The following LRP2 variants were observed in gnomAD, a reference collection of about 807,000 sequenced individuals.
The protein encoded by LRP2 is LDL receptor related protein 2.
In LRP2, 172 loss-of-function variants were observed where a neutral mutation model predicts 531.0. That is an observed-to-expected ratio of 0.32 (90% CI 0.29 to 0.37). LRP2 has a LOEUF of 0.37. LRP2 is among the 10% of genes least tolerant of loss of function. The probability of loss-of-function intolerance (pLI) is 1.00; values close to 1 mark genes in which losing one functional copy is unlikely to be tolerated. For missense variants in LRP2, 5,167 were observed against 5,868.3 expected, an observed-to-expected ratio of 0.88 and a Z score of 3.90; for synonymous variants, 1,992 against 2,027.6, an observed-to-expected ratio of 0.98 and a Z score of 0.47.
rs764577743 is a variant in LRP2 at position 169,238,258 on chromosome 2, T to C, written c.4339A>G (p.Ile1447Val). 1 of 1,614,050 alleles carries C rather than the reference T, an allele frequency of 6.2e-7. No individual in the cohort carries two copies. The highest frequency in any genetic ancestry group is 8.5e-7 in the Non-Finnish European group (1 of 1,180,020). The change falls in exon 27 of 79, where the codon ATT (isoleucine) becomes GTT (valine). Residue 1447 changes from isoleucine to valine, a missense_variant. Physicochemically the swap from Ile to Val is conservative, Grantham distance 29. This residue lies in a region of LRP2 where 2,811 missense variants were observed against 3,058.0 expected (regional missense o/e 0.92). Transcript: ENST00000649046. The part of the protein sequence containing the change: ...LLLVASQNKI[I>V]ADSVTSQVHN... ...ACCTGGGAGGTGACACTGTCGGCAA[T>C]AATTTTGTTCTGACTTGCCACAAGT...
At chr2:169,222,044 C>T (rs1427451393) in intron 33 of LRP2, among the ~76,000 whole-genome samples, 1 of 152,112 alleles carries the variant, frequency 6.6e-6, no homozygotes, top group Non-Finnish European at 1.5e-5. Context: ...GAGTTAAACA[C>T]GAACTACTCT....
chr2:169,190,145 G>A (rs957637977), intron 48 of LRP2, among the ~76,000 whole-genome samples: 2 of 152,128 alleles, frequency 1.3e-5, no homozygotes, highest in African/African-American at 4.8e-5. Context: ...CTATAGAAGT[G>A]CAACACAATA....
rs1413893889 is a variant in LRP2, at chr2:169,238,383, C to T, written c.4295-81G>A. 5 of 1,006,840 alleles carry T rather than the reference C, an allele frequency of 5.0e-6. No individual in the cohort carries two copies. In the Admixed American group the frequency reaches 5.9e-5, roughly 12 times the overall value. 62.4% of individuals were successfully genotyped at this position (1,006,840 alleles called of 1,614,324 possible). A position where few individuals can be genotyped will look rare whatever the true frequency, so the allele number is the denominator to read the frequency against. On this transcript the variant is annotated intron_variant, in intron 26 of 78. Coordinates refer to ENST00000649046, the MANE Select transcript of LRP2 (RefSeq NM_004525.3). The stretch of plus-strand genomic sequence containing the variant: ...ACTCTTTAAAACTTTTGATTCAATA[C>T]TTTTGGTAACAGAAAGAAGGTGTAA...
intron 15 of LRP2, among the ~76,000 whole-genome samples, chr2:169,272,068 A>C (rs1172934209): frequency 6.6e-6 from 1 of 152,156 alleles, no homozygotes; most frequent in Non-Finnish European, 1.5e-5. Context: ...GATTTTTCTG[A>C]ATCTAAAACT....
intron 16 of LRP2, among the ~76,000 whole-genome samples, chr2:169,264,596 C>A (rs1690717967): frequency 6.6e-6 from 1 of 152,036 alleles, no homozygotes; most frequent in Admixed American, 6.6e-5. Flanking sequence ...ATGAGTAATT[C>A]CAACAAATGT....
intron 31 of LRP2, 91 bp downstream of exon 31, chr2:169,231,623 G>A (rs1202181614): frequency 6.7e-7 from 1 of 1,497,776 alleles, no homozygotes; most frequent in Non-Finnish European, 9.3e-7. Context: ...CACAGCACAT[G>A]TTCAGTCGCA....
In LRP2 at chr2:169,233,432, G is replaced by A. The variant is rs1230645968; in HGVS notation, c.5077C>T (p.His1693Tyr). The change falls in exon 30 of 79, where the codon CAT (histidine) becomes TAT (tyrosine). Residue 1693 changes from histidine (H) to tyrosine (Y), a missense_variant. Physicochemically the swap from His to Tyr is moderately conservative, Grantham distance 83. This residue lies in a region of LRP2 where 2,811 missense variants were observed against 3,058.0 expected (regional missense o/e 0.92). Coordinates refer to ENST00000649046, the MANE Select transcript of LRP2 (RefSeq NM_004525.3). Reference protein sequence around the residue: ...IQWPLGIVAVHPSKQPNSVNP... With the variant: ...IQWPLGIVAVYPSKQPNSVNP... ...TCACAATTTGGTTGTTTCGAAGGAT[G>A]AACCGCAACAATCCCAAGGGGCCAT... 1 of 1,614,192 alleles carries A rather than the reference G, an allele frequency of 6.2e-7. No homozygotes were observed.
At chr2:169,262,844 T>C (rs1055763922) in intron 16 of LRP2, among the ~76,000 whole-genome samples, 8 of 152,130 alleles carry the variant, frequency 5.3e-5, no homozygotes, top group Non-Finnish European at 7.4e-5. Flanking sequence ...GACTTCAAAC[T>C]ATCCTACAAG....
chr2:169,131,675 G>A (rs1456722007), intron 77 of LRP2, among the ~76,000 whole-genome samples: 1 of 152,122 alleles, frequency 6.6e-6, no homozygotes, highest in Admixed American at 6.6e-5. Context: ...AGACACTACT[G>A]GAATTTAGTG....
At chr2:169,194,806 C>T (rs1268067912) in intron 46 of LRP2, among the ~76,000 whole-genome samples, 1 of 150,234 alleles carries the variant, frequency 6.7e-6, no homozygotes, top group African/African-American at 2.5e-5. Flanking sequence ...CTGCAACCTC[C>T]GCCTCCCAGG....
intron 42 of LRP2, among the ~76,000 whole-genome samples, 174 bp from the exon 43 acceptor site, chr2:169,203,133 G>C (rs951119170): frequency 6.6e-6 from 1 of 152,022 alleles, no homozygotes; most frequent in Non-Finnish European, 1.5e-5. Context: ...CCATCAAGAA[G>C]AGCAATCACC....
chr2:169,168,571 C>T lies in LRP2; in HGVS notation c.11603G>A (p.Gly3868Asp), dbSNP rs1686875028. 6.2e-7 allele frequency: 1 copy of T among 1,613,998 alleles called. No individual in the cohort carries two copies. Among genetic ancestry groups the T allele is most frequent in the South Asian group, 1.1e-5 (1 of 91,082 alleles). The change falls in exon 61 of 79, where the codon GGC (glycine) becomes GAC (aspartate). Residue 3868 changes from glycine (G) to aspartate (D), a missense_variant. Gly to Asp is a moderately conservative substitution (Grantham distance 94). Around this residue, in one of 6 missense-constraint regions of LRP2, gnomAD observed 564 missense variants for 747.7 expected, o/e 0.75. Coordinates refer to ENST00000649046, the MANE Select transcript of LRP2 (RefSeq NM_004525.3). ...GTGAAGTTCTTCATCTGAACCATCGCCACAGTCATCATCGCCATCACATTT... is the reference window on the plus strand; with the variant it reads ...GTGAAGTTCTTCATCTGAACCATCGTCACAGTCATCATCGCCATCACATTT... ...YWKCDGDDDC[G>D]DGSDEELHLC...
chr2:169,232,105 C>A (rs1005781743), intron 30 of LRP2, among the ~76,000 whole-genome samples: 1 of 151,942 alleles, frequency 6.6e-6, no homozygotes, highest in Non-Finnish European at 1.5e-5. Flanking sequence ...CAGTCTATAA[C>A]TGGATTACGA....
At position 169,357,289 on chromosome 2, in the gene LRP2, T is replaced by TTTTTATTTTA. The variant is rs148875655; in HGVS notation, c.79+5022_79+5031dup. Among the ~76,000 whole-genome samples, 1,014 of 116,988 alleles carry TTTTTATTTTA rather than the reference T, an allele frequency of 8.7e-3. 7 individuals are homozygous for TTTTTATTTTA. The highest frequency in any genetic ancestry group is 0.021 in the East Asian group (86 of 4,122). The allele number at this position is 116,988 out of a possible 152,430, so 76.7% of individuals were successfully genotyped here. The stretch of plus-strand genomic sequence containing the variant: ...TTCTTTTTTTTTTCTTTTTTATTTA[T>TTTTTATTTTA]TTTTATTTTATTTTATTTTATTTTA... On this transcript the variant is annotated intron_variant, in intron 1 of 78. Transcript: ENST00000649046.
At chr2:169,281,548 G>A (rs952173503) in intron 10 of LRP2, among the ~76,000 whole-genome samples, 4 of 151,842 alleles carry the variant, frequency 2.6e-5, no homozygotes, top group South Asian at 2.1e-4. Flanking sequence ...ATGAAACCCC[G>A]TCTCTACTAA....
intron 72 of LRP2, 45 bp from the exon 73 acceptor site, chr2:169,139,655 G>T: frequency 6.5e-7 from 1 of 1,541,724 alleles, no homozygotes; most frequent in Non-Finnish European, 9.0e-7. Context: ...ATGTTCTTAG[G>T]CTTCTACTGC....
At chr2:169,222,546 G>A (rs967980394) in intron 33 of LRP2, among the ~76,000 whole-genome samples, 2 of 151,976 alleles carry the variant, frequency 1.3e-5, no homozygotes, top group African/African-American at 4.8e-5. Context: ...CATCCATGGG[G>A]GACAAATTCC....
intron 62 of LRP2, among the ~76,000 whole-genome samples, chr2:169,164,805 T>C (rs1686724559): frequency 2.0e-5 from 3 of 152,232 alleles, no homozygotes; most frequent in Non-Finnish European, 2.9e-5. Context: ...TAGAAGTTTA[T>C]GGATTCTTTT....
chr2:169,318,100 T>C lies in LRP2; in HGVS notation c.310+662A>G, dbSNP rs1362367096. Reference sequence around the variant, plus strand: ...TCTAAAAATAATAATAAAATAAAAATAAATAAAATAAAATTATTGTTAGAC... The same window carrying C: ...TCTAAAAATAATAATAAAATAAAAACAAATAAAATAAAATTATTGTTAGAC... On this transcript the variant is annotated intron_variant, in intron 3 of 78. Coordinates refer to ENST00000649046, the MANE Select transcript of LRP2 (RefSeq NM_004525.3). Among the ~76,000 whole-genome samples the C allele has an allele frequency of 2.6e-5, 4 of 152,042 alleles. No homozygotes were observed. The East Asian group carries it at 7.7e-4, about 29-fold the overall frequency.
Sources: gnomAD v4.1 joint callset for allele counts (sites outside exome capture counted in the v4.1 genomes callset) on GRCh38, gnomAD v4.1.1 for gene constraint, gnomAD v4.1.1 regional missense constraint, MANE v1.5 for transcripts, NCBI Gene and HGNC (gene_info 2026-07-23, HGNC 2026-07-21) for gene names.